Variants in SNPH observed in about 807,000 individuals in gnomAD.
The protein encoded by SNPH is syntaphilin.
Under a neutral mutation model 36.8 loss-of-function variants are expected in SNPH, and 10 were observed. The ratio of observed to expected loss-of-function variants is 0.27; its 90% confidence interval spans 0.17 to 0.46. The LOEUF (loss-of-function observed/expected upper bound fraction) is 0.46. SNPH is among the 20% of genes least tolerant of loss of function. The pLI is 1.00. For synonymous variants in SNPH, 281 were observed against 312.2 expected, an observed-to-expected ratio of 0.90 and a Z score of 1.05; for missense variants, 622 against 744.0, an observed-to-expected ratio of 0.84 and a Z score of 1.91.
At chr20:1,278,561 T>A (rs1472938991) in intron 2 of SNPH, among the ~76,000 whole-genome samples, 1 of 152,244 alleles carries the variant, frequency 6.6e-6, no homozygotes, top group African/African-American at 2.4e-5. Context: ...TCAGTACAGA[T>A]TACTTCACAT....
intron 2 of SNPH, among the ~76,000 whole-genome samples, chr20:1,272,085 CA>C (rs2088079426): frequency 6.6e-6 from 1 of 152,162 alleles, no homozygotes; most frequent in South Asian, 2.1e-4. Flanking sequence ...GCCATGTTAT[CA>C]GGGGGAAAAT....
At chr20:1,292,841 C>T (rs377154692) in intron 2 of SNPH, among the ~76,000 whole-genome samples, 1 of 152,200 alleles carries the variant, frequency 6.6e-6, no homozygotes, top group Non-Finnish European at 1.5e-5. Context: ...CTGGTGAACT[C>T]TTATTCATCC....
In SNPH at chr20:1,266,453, A is replaced by T; in HGVS notation, c.-600+56A>T. 1.5e-6 allele frequency: 1 copy of T among 654,006 alleles called. No individual in the cohort carries two copies. The highest frequency in any genetic ancestry group is 2.3e-6 in the Non-Finnish European group (1 of 433,052). 40.5% of individuals were successfully genotyped at this position (654,006 alleles called of 1,614,324 possible). A position where few individuals can be genotyped will look rare whatever the true frequency, so the allele number is the denominator to read the frequency against. ...CCCACCGCCCAGCTGCACCCGCCGCAGTCCAGAGTGCCGAGTGCCAGGGGG... is the reference window on the plus strand; with the variant it reads ...CCCACCGCCCAGCTGCACCCGCCGCTGTCCAGAGTGCCGAGTGCCAGGGGG... On this transcript the variant is annotated intron_variant, in intron 1 of 6. Coordinates refer to ENST00000381867, the MANE Select transcript of SNPH (RefSeq NM_001318234.2). The surrounding 1 kb of genome is among the most constrained non-coding windows in gnomAD (Gnocchi z 6.0).
At position 1,305,273 on chromosome 20, in the gene SNPH, G is replaced by C. The variant is rs1281991584; in HGVS notation, c.836G>C (p.Gly279Ala). 6.2e-7 allele frequency: 1 copy of C among 1,610,726 alleles called. No individual in the cohort carries two copies. Among genetic ancestry groups the C allele is most frequent in the Admixed American group, 1.7e-5 (1 of 59,982 alleles). ...CGCCAGCCGGGTGATCCCTCCAGCG[G>C]CTCTGCTGAGGATGGGGCAGACAGT... ...GDRQPGDPSS[G>A]SAEDGADSGF... The change falls in exon 7 of 7, where the codon GGC becomes GCC. Residue 279 changes from glycine to alanine, a missense_variant. Transcript: ENST00000381867.
chr20:1,298,838 G>GTGTGTGTGTGTGTT (rs2088471706), intron 5 of SNPH, among the ~76,000 whole-genome samples: 1 of 127,774 alleles, frequency 7.8e-6, no homozygotes, highest in Admixed American at 7.8e-5. Flanking sequence ...GTGTGTGTGT[G>GTGTGTGTGTGTGTT]TGTGTGTATA....
At chr20:1,296,467 G>C in intron 4 of SNPH, 46 bp downstream of exon 4, 1 of 1,532,176 alleles carries the variant, frequency 6.5e-7, no homozygotes. Context: ...AGGGCGGGAG[G>C]AGGGCGCACG....
At chr20:1,299,335 C>T (rs2088477927) in intron 5 of SNPH, among the ~76,000 whole-genome samples, 1 of 152,216 alleles carries the variant, frequency 6.6e-6, no homozygotes, top group South Asian at 2.1e-4. Context: ...TCACTCTCCC[C>T]TCAAGGAGCA....
At chr20:1,297,410 C>G (rs975892714) in intron 5 of SNPH, among the ~76,000 whole-genome samples, 158 bp downstream of exon 5, 6 of 152,236 alleles carry the variant, frequency 3.9e-5, no homozygotes, top group Admixed American at 3.9e-4. Context: ...CCTTTCTGAG[C>G]CTCAGTTCCT....
In SNPH at chr20:1,305,603, G is replaced by C; in HGVS notation, c.1166G>C (p.Gly389Ala). 6.2e-7 allele frequency: 1 copy of C among 1,613,596 alleles called. No individual in the cohort carries two copies. Among genetic ancestry groups the C allele is most frequent in the Non-Finnish European group, 8.5e-7 (1 of 1,180,044 alleles). ...AQVCGTDPESGDRCPELDAHP... is the reference protein window; with the variant it reads ...AQVCGTDPESADRCPELDAHP... ...GTCTGTGGGACAGACCCTGAGTCAG[G>C]GGACAGGTGCCCAGAGCTGGATGCC... The change falls in exon 7 of 7, where the codon GGG becomes GCG. Residue 389 changes from glycine to alanine, a missense_variant. By Grantham distance (60) the Gly-to-Ala change is moderately conservative (BLOSUM62 0). Coordinates refer to ENST00000381867, the MANE Select transcript of SNPH (RefSeq NM_001318234.2).
intron 2 of SNPH, among the ~76,000 whole-genome samples, chr20:1,280,056 G>A (rs938267731): frequency 6.6e-6 from 1 of 152,200 alleles, no homozygotes; most frequent in Non-Finnish European, 1.5e-5. Flanking sequence ...AGGAAGGTTT[G>A]TTGAGCTCCA....
rs959758656 is a variant in SNPH, at chr20:1,294,419, T to C, written c.-492-532T>C. On this transcript the variant is annotated intron_variant, in intron 2 of 6. Coordinates refer to ENST00000381867, the MANE Select transcript of SNPH (RefSeq NM_001318234.2). This position sits in a 1 kb window ranked among gnomAD's most constrained non-coding sequence, Gnocchi z 4.4. Reference sequence around the variant, plus strand: ...CATCCTCACAAGCATGGAGGAGCACTGATGTCCTCTTACCCCCAAATCGCC... The same window carrying C: ...CATCCTCACAAGCATGGAGGAGCACCGATGTCCTCTTACCCCCAAATCGCC... 2.0e-5 allele frequency among the ~76,000 whole-genome samples: 3 copies of C among 152,296 alleles called. No homozygotes were observed. The highest frequency in any genetic ancestry group is 1.9e-4 in the East Asian group (1 of 5,172).
At chr20:1,287,895 C>T (rs1408105285) in intron 2 of SNPH, among the ~76,000 whole-genome samples, 1 of 152,200 alleles carries the variant, frequency 6.6e-6, no homozygotes, top group Non-Finnish European at 1.5e-5. Flanking sequence ...TGAAGGGCCT[C>T]CATCTGCCAG....
At chr20:1,277,574 CTG>C (rs1265547143) in intron 2 of SNPH, among the ~76,000 whole-genome samples, 310 of 108,614 alleles carry the variant, frequency 2.9e-3, no homozygotes, top group Middle Eastern at 8.9e-3. Flanking sequence ...TGTCGTGTGT[CTG>C]TGTGTGTGTG....
chr20:1,278,554 G>A (rs1162227498), intron 2 of SNPH, among the ~76,000 whole-genome samples: 1 of 152,072 alleles, frequency 6.6e-6, no homozygotes, highest in Non-Finnish European at 1.5e-5. Flanking sequence ...CTTTCTGTCA[G>A]TACAGATTAC....
chr20:1,279,640 G>C (rs1214582287), intron 2 of SNPH, among the ~76,000 whole-genome samples: 2 of 79,154 alleles, frequency 2.5e-5, no homozygotes, highest in Admixed American at 1.2e-4. Flanking sequence ...TTTTTTTTGA[G>C]ACAGGGTCTG....
chr20:1,292,645 A>C (rs994106854), intron 2 of SNPH, among the ~76,000 whole-genome samples: 1 of 152,180 alleles, frequency 6.6e-6, no homozygotes. Flanking sequence ...AAGCACTTGC[A>C]TGGCTTCCTG....
Position 1,305,100 on chromosome 20 carries a change from G to A in SNPH, c.663G>A (p.Leu221=), listed in dbSNP as rs749210160. The change falls in exon 7 of 7, where the codon CTG becomes CTA. Residue 221 remains leucine, a synonymous_variant. Coordinates refer to ENST00000381867, the MANE Select transcript of SNPH (RefSeq NM_001318234.2). ...ACATCAACATCCAGAACAAGAAGCT[G>A]GAGACGCTGCTGCACAGCATGGAGG... ...FVDINIQNKK[L]ETLLHSMEVA... is the part of the protein sequence containing the mutation. 6.2e-7 allele frequency: 1 copy of A among 1,613,962 alleles called. No homozygotes were observed. The highest frequency in any genetic ancestry group is 8.5e-7 in the Non-Finnish European group (1 of 1,180,042).
rs1232677495 is a variant in SNPH at position 1,276,967 on chromosome 20, A to T, written c.-493+10207A>T. Among the ~76,000 whole-genome samples, 2 of 152,192 alleles carry T rather than the reference A, an allele frequency of 1.3e-5. No homozygotes were observed. The highest frequency in any genetic ancestry group is 1.3e-4 in the Admixed American group (2 of 15,282). Reference sequence around the variant, plus strand: ...GGTTCGGCTTGGATGTCTGTTTTGCACAGATAAAAGACAGACTTCTGCTGG... The same window carrying T: ...GGTTCGGCTTGGATGTCTGTTTTGCTCAGATAAAAGACAGACTTCTGCTGG... On this transcript the variant is annotated intron_variant, in intron 2 of 6. Transcript: ENST00000381867. This position sits in a 1 kb window ranked among gnomAD's most constrained non-coding sequence, Gnocchi z 4.6.
At position 1,293,365 on chromosome 20, in the gene SNPH, T is replaced by C. The variant is rs547951114; in HGVS notation, c.-492-1586T>C. Among the ~76,000 whole-genome samples the C allele has an allele frequency of 2.0e-5, 3 of 152,214 alleles. No individual in the cohort carries two copies. The East Asian group carries it at 5.8e-4, about 29-fold the overall frequency. ...GTGAGGGCAGGGGCTGGGTTTACTC[T>C]GGGGTTAAAGTGATGAGAGACTATC... On this transcript the variant is annotated intron_variant, in intron 2 of 6. Transcript: ENST00000381867.
Sources: gnomAD v4.1 joint callset for allele counts (sites outside exome capture counted in the v4.1 genomes callset) on GRCh38, gnomAD v4.1.1 for gene constraint, Gnocchi (gnomAD v3.1) non-coding constraint, MANE v1.5 for transcripts, NCBI Gene and HGNC (gene_info 2026-07-23, HGNC 2026-07-21) for gene names.